The following SETBP1 variants were observed in gnomAD, a reference collection of about 807,000 sequenced individuals.
The protein encoded by SETBP1 is SET-binding protein.
Under a neutral mutation model 101.0 loss-of-function variants are expected in SETBP1, and 9 were observed. The observed-to-expected ratio is 0.09, with a 90% confidence interval of 0.05 to 0.16. The LOEUF is 0.16. Among genes scored for constraint, SETBP1 ranks in the 10% least tolerant of loss-of-function variants. The pLI, the probability that SETBP1 is intolerant of heterozygous loss-of-function variation, is 1.00. For synonymous variants in SETBP1, 818 were observed against 788.5 expected (o/e 1.04, Z -0.63); for missense variants, 1,858 against 2,033.8 (o/e 0.91, Z 1.66).
At chr18:44,995,610 T>C (rs1013625483) in intron 4 of SETBP1, among the ~76,000 whole-genome samples, 2 of 150,798 alleles carry the variant, frequency 1.3e-5, no homozygotes, top group Non-Finnish European at 3.0e-5. Flanking sequence ...ATTTCTGTAT[T>C]CATCCATTTA....
chr18:45,055,105 T>C (rs1158301441), intron 5 of SETBP1, among the ~76,000 whole-genome samples: 1 of 152,188 alleles, frequency 6.6e-6, no homozygotes, highest in Non-Finnish European at 1.5e-5. Flanking sequence ...GTGTTCTTTG[T>C]TTTGAAGGGT....
intron 2 of SETBP1, among the ~76,000 whole-genome samples, chr18:44,842,252 T>A (rs754151264): frequency 6.6e-6 from 1 of 152,116 alleles, no homozygotes; most frequent in Non-Finnish European, 1.5e-5. Flanking sequence ...ATCTCTAGCC[T>A]TTCCCCAGGA....
chr18:44,819,260 A>G (rs920505306), intron 2 of SETBP1, among the ~76,000 whole-genome samples: 2 of 152,164 alleles, frequency 1.3e-5, no homozygotes, highest in Admixed American at 6.5e-5. Flanking sequence ...GAGCAGTAGT[A>G]CCAGACACCA....
chr18:44,841,980 C>T (rs745686364), intron 2 of SETBP1, among the ~76,000 whole-genome samples: 10 of 152,220 alleles, frequency 6.6e-5, no homozygotes, highest in Non-Finnish European at 1.0e-4. Context: ...TGCGACCTCA[C>T]TTTGATAAAA....
intron 4 of SETBP1, among the ~76,000 whole-genome samples, chr18:45,021,086 T>G (rs927873435): frequency 1.3e-5 from 2 of 152,216 alleles, no homozygotes; most frequent in Non-Finnish European, 2.9e-5. Context: ...GACATCCTTC[T>G]TCAATATAGT....
intron 3 of SETBP1, among the ~76,000 whole-genome samples, chr18:44,920,557 G>T (rs139893838): frequency 6.6e-6 from 1 of 152,312 alleles, no homozygotes; most frequent in Non-Finnish European, 1.5e-5. Flanking sequence ...GAGGGGTGCA[G>T]GAAGATCAGA....
At chr18:44,714,626 G>A (rs145964568) in intron 2 of SETBP1, among the ~76,000 whole-genome samples, 2 of 151,714 alleles carry the variant, frequency 1.3e-5, no homozygotes, top group East Asian at 1.9e-4. Flanking sequence ...GTGTGTGTGC[G>A]CATGCACGTG....
rs377372011 is a variant in SETBP1 at position 44,951,308 on chromosome 18, C to T, written c.1968C>T (p.Gly656=). The T allele has an allele frequency of 1.1e-5, 18 of 1,613,400 alleles. No homozygotes were observed. The African/African-American group carries it at 1.2e-4, about 11-fold the overall frequency. The change falls in exon 4 of 6, where the codon GGC becomes GGT. Residue 656 remains glycine (G), a synonymous_variant. Coordinates refer to ENST00000649279, the MANE Select transcript of SETBP1 (RefSeq NM_015559.3). This position sits in a 1 kb window ranked among gnomAD's most constrained non-coding sequence, Gnocchi z 7.8. ...TTCACAAGAAAGTTGGAAAGCTCGGCGTGTTGGATAAGAAGACCATCAAAA... is the reference window on the plus strand; with the variant it reads ...TTCACAAGAAAGTTGGAAAGCTCGGTGTGTTGGATAAGAAGACCATCAAAA... The part of the protein sequence containing the change: ...MKFHKKVGKL[G]VLDKKTIKTI...
At chr18:44,865,446 G>C (rs144152420) in intron 2 of SETBP1, among the ~76,000 whole-genome samples, 1 of 152,046 alleles carries the variant, frequency 6.6e-6, no homozygotes, top group Non-Finnish European at 1.5e-5. Flanking sequence ...TCTTCTCCAG[G>C]GACCTCCAAC....
intron 2 of SETBP1, among the ~76,000 whole-genome samples, chr18:44,855,999 G>T (rs2072969747): frequency 6.6e-6 from 1 of 151,902 alleles, no homozygotes; most frequent in Admixed American, 6.6e-5. Flanking sequence ...CTCTAGTTTT[G>T]GTGTTTGGAT....
At chr18:45,041,503 G>A (rs1471918256) in intron 5 of SETBP1, among the ~76,000 whole-genome samples, 1 of 152,038 alleles carries the variant, frequency 6.6e-6, no homozygotes, top group African/African-American at 2.4e-5. Flanking sequence ...TTTTCTAATA[G>A]GTTACCATTC....
At chr18:45,033,373 T>TTCTCC in intron 4 of SETBP1, among the ~76,000 whole-genome samples, 1 of 152,236 alleles carries the variant, frequency 6.6e-6, no homozygotes, top group African/African-American at 2.4e-5. Flanking sequence ...CTTTATTTCC[T>TTCTCC]TGTTCGTAAA....
chr18:45,042,252 C>T (rs1022123180), intron 5 of SETBP1, among the ~76,000 whole-genome samples: 3 of 149,694 alleles, frequency 2.0e-5, no homozygotes. Context: ...CAGATTCAAG[C>T]GATTCTCCTG....
intron 2 of SETBP1, among the ~76,000 whole-genome samples, chr18:44,731,099 G>A (rs539081174): frequency 6.6e-6 from 1 of 152,210 alleles, no homozygotes; most frequent in South Asian, 2.1e-4. Context: ...GGGCTGCCTG[G>A]GTTCCACTCT....
chr18:44,846,028 C>T (rs879494450), intron 2 of SETBP1, among the ~76,000 whole-genome samples: 1 of 152,142 alleles, frequency 6.6e-6, no homozygotes, highest in Non-Finnish European at 1.5e-5. Flanking sequence ...TGAACCTCAG[C>T]CTGGAAACTC....
At chr18:44,758,978 G>A (rs565375955) in intron 2 of SETBP1, among the ~76,000 whole-genome samples, 126 of 152,306 alleles carry the variant, frequency 8.3e-4, no homozygotes, top group African/African-American at 2.8e-3. Context: ...ATGCTGGCCC[G>A]TGGTCTACAC....
intron 2 of SETBP1, among the ~76,000 whole-genome samples, chr18:44,703,070 G>A (rs558715300): frequency 5.3e-5 from 8 of 152,286 alleles, no homozygotes; most frequent in South Asian, 2.1e-4. Flanking sequence ...TCCTGTGTGT[G>A]GCACTCAGCT....
At chr18:44,965,604 G>A (rs1393453670) in intron 4 of SETBP1, among the ~76,000 whole-genome samples, 1 of 151,952 alleles carries the variant, frequency 6.6e-6, no homozygotes, top group African/African-American at 2.4e-5. Flanking sequence ...TTAAACTTTT[G>A]CACAAAGGAT....
At chr18:45,001,532 C>T (rs1404861888) in intron 4 of SETBP1, among the ~76,000 whole-genome samples, 1 of 152,090 alleles carries the variant, frequency 6.6e-6, no homozygotes, top group African/African-American at 2.4e-5. Context: ...TTCATCTCTG[C>T]CTGTGTTCAG....
Sources: allele counts gnomAD v4.1 joint callset (sites outside exome capture counted in the v4.1 genomes callset), GRCh38; gene constraint gnomAD v4.1.1; non-coding constraint Gnocchi (gnomAD v3.1); transcripts MANE v1.5; gene names NCBI Gene and HGNC (gene_info 2026-07-23, HGNC 2026-07-21).